The following OR51B5 variants were observed in gnomAD, a reference collection of about 807,000 sequenced individuals.
OR51B5 encodes the protein olfactory receptor family 51 subfamily B member 5.
For missense variants in OR51B5, 456 were observed against 374.6 expected, an observed-to-expected ratio of 1.22 and a Z score of -1.79; for synonymous variants, 186 against 144.8, an observed-to-expected ratio of 1.28 and a Z score of -2.04.
chr11:5,413,015 A>T (rs1185176029), intron 1 of OR51B5, among the ~76,000 whole-genome samples: 1 of 132,628 alleles, frequency 7.5e-6, no homozygotes, highest in East Asian at 2.4e-4. Flanking sequence ...ACCCCAGAGC[A>T]GCCTTACTGG....
chr11:5,388,598 T>C (rs1849739215), intron 1 of OR51B5, among the ~76,000 whole-genome samples: 2 of 149,148 alleles, frequency 1.3e-5, no homozygotes. Flanking sequence ...ACACCGTGAA[T>C]ATACAGAGGA....
At chr11:5,419,514 A>G (rs2133758177) in intron 1 of OR51B5, among the ~76,000 whole-genome samples, 1 of 152,340 alleles carries the variant, frequency 6.6e-6, no homozygotes, top group Admixed American at 6.5e-5. Flanking sequence ...TAAACAATAT[A>G]GAATATCAAT....
chr11:5,468,008 T>G (rs1018721617), intron 1 of OR51B5, among the ~76,000 whole-genome samples: 2 of 152,242 alleles, frequency 1.3e-5, no homozygotes, highest in Non-Finnish European at 2.9e-5. Flanking sequence ...TGGATTATTC[T>G]TATTTATTTC....
At chr11:5,488,608 C>A in intron 1 of OR51B5, 1 of 944,736 alleles carries the variant, frequency 1.1e-6, no homozygotes, top group African/African-American at 1.7e-5. Context: ...GATTATTTCA[C>A]AGAAAGATCT....
chr11:5,461,425 T>C (rs1315200395), intron 1 of OR51B5, among the ~76,000 whole-genome samples: 2 of 152,156 alleles, frequency 1.3e-5, no homozygotes, highest in Non-Finnish European at 2.9e-5. Flanking sequence ...TGCAAGCTGG[T>C]AAGGCCAGGT....
At chr11:5,467,403 T>C (rs1851153005) in intron 1 of OR51B5, among the ~76,000 whole-genome samples, 1 of 152,230 alleles carries the variant, frequency 6.6e-6, no homozygotes, top group Non-Finnish European at 1.5e-5. Flanking sequence ...AAAAAAGTTA[T>C]TCCATGATCC....
intron 1 of OR51B5, chr11:5,456,334 A>G (rs1227369955): frequency 5.9e-5 from 9 of 152,232 alleles, no homozygotes; most frequent in Admixed American, 5.2e-4. Flanking sequence ...TCAGGTTCTA[A>G]TGGAAAATGC....
At chr11:5,418,474 C>G (rs1378053595) in intron 1 of OR51B5, among the ~76,000 whole-genome samples, 4 of 151,834 alleles carry the variant, frequency 2.6e-5, no homozygotes. Flanking sequence ...AGCACCGAAC[C>G]AATCCAAATG....
chr11:5,346,674 C>G (rs1848996794), upstream of OR51B5, among the ~76,000 whole-genome samples: 1 of 152,170 alleles, frequency 6.6e-6, no homozygotes, highest in South Asian at 2.1e-4. Context: ...TTTTGAAGTT[C>G]TATCAACTTC....
intron 1 of OR51B5, among the ~76,000 whole-genome samples, chr11:5,397,751 C>T (rs1478651738): frequency 4.6e-5 from 7 of 150,642 alleles, no homozygotes; most frequent in East Asian, 3.9e-4. Context: ...CACATGCACA[C>T]GTATGTTTAT....
intron 1 of OR51B5, chr11:5,351,607 A>G: frequency 1.9e-6 from 3 of 1,614,126 alleles, no homozygotes; most frequent in East Asian, 2.2e-5. Context: ...GGCAGCCTAC[A>G]TCTCCATACT....
chr11:5,440,258 G>A (rs114779545), intron 1 of OR51B5, among the ~76,000 whole-genome samples: 2,235 of 152,026 alleles, frequency 0.015, 55 homozygotes, highest in African/African-American at 0.051. Flanking sequence ...CATTATTCCC[G>A]TATATGTCAA....
chr11:5,417,888 T>G (rs572663712), intron 1 of OR51B5, among the ~76,000 whole-genome samples: 1 of 101,822 alleles, frequency 9.8e-6, no homozygotes, highest in South Asian at 4.1e-4. Flanking sequence ...GAAATACCAT[T>G]TGACCCAGCC....
chr11:5,424,730 C>G (rs1850416364), intron 1 of OR51B5, among the ~76,000 whole-genome samples: 1 of 150,718 alleles, frequency 6.6e-6, no homozygotes, highest in Non-Finnish European at 1.5e-5. Flanking sequence ...GCCTGTAATC[C>G]CAGCACTTTG....
Position 5,470,763 on chromosome 11 carries a change from G to A in OR51B5, n.84+34806C>T, listed in dbSNP as rs557607517. On this transcript the variant is annotated intron_variant and non_coding_transcript_variant, in intron 1 of 4. Transcript: ENST00000415970. Reference sequence around the variant, plus strand: ...CTATTTACAAGTCTATTAATCCATCGTAAACGCTGGTTTCCTCTCTCCATC... The same window carrying A: ...CTATTTACAAGTCTATTAATCCATCATAAACGCTGGTTTCCTCTCTCCATC... Among the ~76,000 whole-genome samples, 9 of 152,100 alleles carry A rather than the reference G, an allele frequency of 5.9e-5. No individual in the cohort carries two copies. The South Asian group carries it at 8.3e-4, about 14-fold the overall frequency.
At chr11:5,485,266 C>A (rs898244605) in intron 1 of OR51B5, among the ~76,000 whole-genome samples, 1 of 152,182 alleles carries the variant, frequency 6.6e-6, no homozygotes, top group Non-Finnish European at 1.5e-5. Context: ...ACCTTCCTCT[C>A]ACGTTTTCTA....
At chr11:5,343,649 C>A, upstream of OR51B5, 1 of 555,318 alleles carries the variant, frequency 1.8e-6, no homozygotes, top group South Asian at 2.8e-5. Context: ...ATAATGACAT[C>A]AATATAAGTG....
intron 1 of OR51B5, chr11:5,440,831 C>A (rs377131100): frequency 1.9e-5 from 31 of 1,613,634 alleles, no homozygotes; most frequent in Non-Finnish European, 2.6e-5. Flanking sequence ...ATATGATGAC[C>A]AGCATGGCTC....
intron 1 of OR51B5, among the ~76,000 whole-genome samples, chr11:5,397,033 C>T (rs1022406368): frequency 6.6e-6 from 1 of 152,184 alleles, no homozygotes; most frequent in African/African-American, 2.4e-5. Flanking sequence ...CCCTTCCTTA[C>T]ACCTTATACA....
Sources: gnomAD v4.1 joint callset for allele counts (sites outside exome capture counted in the v4.1 genomes callset) on GRCh38, gnomAD v4.1.1 for gene constraint, MANE v1.5 for transcripts, NCBI Gene and HGNC (gene_info 2026-07-23, HGNC 2026-07-21) for gene names.